The following OXR1 variants were observed in gnomAD, a reference collection of about 807,000 sequenced individuals.
The protein encoded by OXR1 is oxidation resistance protein 1.
Under a neutral mutation model 104.6 loss-of-function variants are expected in OXR1, and 41 were observed. The observed-to-expected ratio is 0.39, with a 90% CI of 0.31 to 0.51. The LOEUF is 0.51. OXR1 is among the 20% of genes least tolerant of loss of function. The probability of loss-of-function intolerance (pLI) is 0.77; values close to 1 mark genes in which losing one functional copy is unlikely to be tolerated. For synonymous variants in OXR1, 348 were observed against 348.4 expected, an observed-to-expected ratio of 1.00 and a Z score of 0.01; for missense variants, 955 against 1,031.9, an observed-to-expected ratio of 0.93 and a Z score of 1.02.
chr8:106,324,593 C>G (rs1213013495), intron 1 of OXR1, among the ~76,000 whole-genome samples: 4 of 151,062 alleles, frequency 2.6e-5, no homozygotes, highest in African/African-American at 7.3e-5. Flanking sequence ...TGTTATGCAT[C>G]CTGTGTTAGT....
intron 3 of OXR1, among the ~76,000 whole-genome samples, chr8:106,590,075 C>T (rs1818957786): frequency 6.6e-6 from 1 of 152,180 alleles, no homozygotes; most frequent in South Asian, 2.1e-4. Flanking sequence ...AAAACACATG[C>T]TTCCACTTCA....
chr8:106,742,970 G>A (rs1295373543), intron 15 of OXR1, among the ~76,000 whole-genome samples: 4 of 152,140 alleles, frequency 2.6e-5, no homozygotes, highest in African/African-American at 9.7e-5. Flanking sequence ...AAGAGCTTCT[G>A]TACAGCAAAA....
At chr8:106,706,204 A>G (rs1409565725) in intron 8 of OXR1, among the ~76,000 whole-genome samples, 178 bp from the exon 9 acceptor site, 2 of 152,210 alleles carry the variant, frequency 1.3e-5, no homozygotes, top group African/African-American at 4.8e-5. Flanking sequence ...TACTTGGTCT[A>G]TAAGGTTAAT....
At position 106,638,893 on chromosome 8, in the gene OXR1, C is replaced by CAA. The variant is rs34153559; in HGVS notation, c.221-40302_221-40301dup. 7.4e-3 allele frequency among the ~76,000 whole-genome samples: 703 copies of CAA among 94,820 alleles called. 1 individual carries two copies. Among genetic ancestry groups the CAA allele is most frequent in the African/African-American group, 0.017 (479 of 28,142 alleles). The allele number at this position is 94,820 out of a possible 152,430, so 62.2% of individuals were successfully genotyped here. ...TGGGCGCAAGAGTGAGACTCCATTT[C>CAA]AAAAAAAAAAAAAAAACCTATAAAA... On this transcript the variant is annotated intron_variant, in intron 3 of 16. Coordinates refer to ENST00000517566, the MANE Select transcript of OXR1 (RefSeq NM_001198533.2).
At chr8:106,703,453 G>T (rs10091390) in intron 8 of OXR1, among the ~76,000 whole-genome samples, 21,107 of 151,920 alleles carry the variant, frequency 0.14, 1,771 homozygotes, top group East Asian at 0.36. Context: ...GGAAGTGACT[G>T]AAGAGCTGTG....
In OXR1 at chr8:106,613,859, A is replaced by G. The variant is rs77930540; in HGVS notation, c.221-65351A>G. ...AGAAAAACTAGATGTTTTCTCTGGA[A>G]TTCTTTCCCTTGCAGCCATCCCCTG... On this transcript the variant is annotated intron_variant, in intron 3 of 16. Transcript: ENST00000517566. 3.5e-3 allele frequency among the ~76,000 whole-genome samples: 530 copies of G among 152,330 alleles called. 3 individuals are homozygous for G. The highest frequency in any genetic ancestry group is 0.012 in the African/African-American group (508 of 41,572).
At chr8:106,302,992 A>G (rs1471587245) in intron 1 of OXR1, among the ~76,000 whole-genome samples, 1 of 151,492 alleles carries the variant, frequency 6.6e-6, no homozygotes, top group African/African-American at 2.4e-5. Context: ...TGACCTCGTG[A>G]TCCATCCGCC....
At chr8:106,516,517 T>C (rs1409930784) in intron 2 of OXR1, among the ~76,000 whole-genome samples, 2 of 152,116 alleles carry the variant, frequency 1.3e-5, no homozygotes, top group African/African-American at 2.4e-5. Flanking sequence ...TCATGAGAAG[T>C]AGGGCGCTGG....
intron 3 of OXR1, among the ~76,000 whole-genome samples, chr8:106,554,954 A>T (rs1263579181): frequency 6.6e-6 from 1 of 152,226 alleles, no homozygotes; most frequent in African/African-American, 2.4e-5. Flanking sequence ...ATATCTATAT[A>T]GTAAAATGGT....
At chr8:106,536,226 A>C (rs1395751435) in intron 3 of OXR1, among the ~76,000 whole-genome samples, 1 of 145,042 alleles carries the variant, frequency 6.9e-6, no homozygotes, top group African/African-American at 2.5e-5. Flanking sequence ...TCTCAAAAAA[A>C]AAAGAAAGAA....
intron 3 of OXR1, among the ~76,000 whole-genome samples, chr8:106,521,265 A>G (rs1039332744): frequency 2.6e-5 from 4 of 152,148 alleles, no homozygotes; most frequent in East Asian, 1.9e-4. Context: ...TCATTTATTG[A>G]TAATTTCATA....
chr8:106,670,978 G>A (rs1826887163), intron 3 of OXR1, among the ~76,000 whole-genome samples: 1 of 140,578 alleles, frequency 7.1e-6, no homozygotes, highest in Non-Finnish European at 1.5e-5. Flanking sequence ...CTGGCAGGCA[G>A]AGGTTATAGT....
intron 2 of OXR1, among the ~76,000 whole-genome samples, chr8:106,501,444 G>A (rs967323897): frequency 1.3e-5 from 2 of 152,206 alleles, no homozygotes; most frequent in African/African-American, 4.8e-5. Context: ...CCTCTCAGTG[G>A]GATGAGAAGC....
At chr8:106,626,580 C>T in intron 3 of OXR1, among the ~76,000 whole-genome samples, 1 of 136,744 alleles carries the variant, frequency 7.3e-6, no homozygotes. Flanking sequence ...TTAAAAGTAG[C>T]TCATTTTCTT....
chr8:106,653,088 ATATATATATATGGTAAATGAT>A (rs1314489154), intron 3 of OXR1, among the ~76,000 whole-genome samples: 1 of 147,536 alleles, frequency 6.8e-6, no homozygotes, highest in African/African-American at 2.5e-5. Flanking sequence ...AAAAAAATAT[ATATATATATATGGTAAATGAT>A]TATAGTAATT....
At chr8:106,561,506 C>T (rs1485718424) in intron 3 of OXR1, among the ~76,000 whole-genome samples, 1 of 152,204 alleles carries the variant, frequency 6.6e-6, no homozygotes, top group Non-Finnish European at 1.5e-5. Flanking sequence ...TCCCATCTCC[C>T]TGGGACAGAG....
intron 2 of OXR1, among the ~76,000 whole-genome samples, chr8:106,437,411 AT>A (rs1345084237): frequency 6.6e-6 from 1 of 152,118 alleles, no homozygotes; most frequent in Non-Finnish European, 1.5e-5. Context: ...ATAGAATGGA[AT>A]TTTTCTTACC....
At chr8:106,446,477 G>A (rs532126275) in intron 2 of OXR1, among the ~76,000 whole-genome samples, 46 of 152,168 alleles carry the variant, frequency 3.0e-4, no homozygotes, top group Admixed American at 5.9e-4. Context: ...AATTAGCCAG[G>A]CGTGGTGGTG....
intron 2 of OXR1, among the ~76,000 whole-genome samples, chr8:106,484,169 A>T (rs995372728): frequency 3.2e-4 from 48 of 152,242 alleles, no homozygotes; most frequent in South Asian, 1.7e-3. Flanking sequence ...ATATTTGCAA[A>T]AGACATACCT....
Sources: allele counts gnomAD v4.1 joint callset (sites outside exome capture counted in the v4.1 genomes callset), GRCh38; gene constraint gnomAD v4.1.1; transcripts MANE v1.5; gene names NCBI Gene and HGNC (gene_info 2026-07-23, HGNC 2026-07-21).